STXBP5L: variants seen among roughly 807,000 people sequenced by gnomAD.
The protein encoded by STXBP5L is syntaxin-binding protein 5-like.
In STXBP5L, 65 loss-of-function variants were observed where a neutral mutation model predicts 144.5. The observed-to-expected ratio is 0.45, with a 90% CI of 0.37 to 0.55. STXBP5L has a LOEUF of 0.55. Among genes scored for constraint, STXBP5L ranks in the 20% least tolerant of loss-of-function variants. The pLI is 0.00. For missense variants in STXBP5L, 1,298 were observed against 1,405.5 expected (o/e 0.92, Z 1.22); for synonymous variants, 505 against 469.6 (o/e 1.08, Z -0.97).
chr3:121,086,241 C>A (rs2042485843), intron 5 of STXBP5L, among the ~76,000 whole-genome samples: 1 of 152,014 alleles, frequency 6.6e-6, no homozygotes, highest in Admixed American at 6.6e-5. Flanking sequence ...TTAGCTATAT[C>A]TGACAAATGT....
chr3:121,366,086 A>G (rs1024072622), intron 20 of STXBP5L, among the ~76,000 whole-genome samples: 6 of 151,846 alleles, frequency 4.0e-5, no homozygotes, highest in African/African-American at 1.4e-4. Context: ...TACTTCTGTT[A>G]TTGATTTCTA....
chr3:121,119,130 T>C (rs1422242035), intron 6 of STXBP5L, among the ~76,000 whole-genome samples: 1 of 151,502 alleles, frequency 6.6e-6, no homozygotes, highest in African/African-American at 2.4e-5. Flanking sequence ...TCAGAGCATT[T>C]AAATATGCTC....
intron 20 of STXBP5L, among the ~76,000 whole-genome samples, chr3:121,328,604 G>A (rs1340371005): frequency 6.6e-6 from 1 of 152,106 alleles, no homozygotes; most frequent in Non-Finnish European, 1.5e-5. Context: ...TAAAAACTTA[G>A]CCGGGCATGG....
At chr3:121,086,641 G>A (rs543124613) in intron 5 of STXBP5L, among the ~76,000 whole-genome samples, 9 of 152,030 alleles carry the variant, frequency 5.9e-5, no homozygotes, top group Non-Finnish European at 1.2e-4. Context: ...TCTGAATATT[G>A]GAATGTTGAG....
At chr3:120,920,652 C>T (rs973564316) in intron 2 of STXBP5L, among the ~76,000 whole-genome samples, 1 of 151,478 alleles carries the variant, frequency 6.6e-6, no homozygotes, top group African/African-American at 2.4e-5. Flanking sequence ...TTCATTTTCC[C>T]ACCCTCCTTC....
At chr3:121,299,573 A>C (rs2051803330) in intron 19 of STXBP5L, among the ~76,000 whole-genome samples, 1 of 152,146 alleles carries the variant, frequency 6.6e-6, no homozygotes, top group Admixed American at 6.6e-5. Context: ...GCACAGAGTT[A>C]AAAAATAATA....
At chr3:121,206,547 C>A (rs1001234357) in intron 10 of STXBP5L, among the ~76,000 whole-genome samples, 21 of 152,124 alleles carry the variant, frequency 1.4e-4, no homozygotes, top group Non-Finnish European at 7.4e-5. Context: ...CCCTGCCTCA[C>A]GCCTGTAACC....
rs149666006 is a variant in STXBP5L, at chr3:121,306,560, C to T, written c.2111-11915C>T. On this transcript the variant is annotated intron_variant, in intron 19 of 26. Coordinates refer to ENST00000471454, the MANE Select transcript of STXBP5L (RefSeq NM_001308330.2). ...TTGCCCAGGAAAGAAATGCGGTCTACGTGAATAGAGAGCTTCAAAGCCCTC... is the reference window on the plus strand; with the variant it reads ...TTGCCCAGGAAAGAAATGCGGTCTATGTGAATAGAGAGCTTCAAAGCCCTC... Among the ~76,000 whole-genome samples the T allele has an allele frequency of 4.9e-4, 74 of 152,212 alleles. 1 individual carries two copies. The East Asian group carries it at 7.5e-3, about 15-fold the overall frequency.
At chr3:121,004,952 C>A (rs1944146498) in intron 3 of STXBP5L, among the ~76,000 whole-genome samples, 1 of 152,106 alleles carries the variant, frequency 6.6e-6, no homozygotes, top group Non-Finnish European at 1.5e-5. Flanking sequence ...ATTCGGTTTG[C>A]CAGTATTTTG....
intron 10 of STXBP5L, among the ~76,000 whole-genome samples, chr3:121,218,007 TAA>T (rs1391661494): frequency 6.9e-6 from 1 of 144,708 alleles, no homozygotes; most frequent in Non-Finnish European, 1.5e-5. Context: ...ATATATAGTA[TAA>T]TATATATACT....
chr3:121,198,711 A>G (rs970491560), intron 9 of STXBP5L, among the ~76,000 whole-genome samples: 1 of 152,170 alleles, frequency 6.6e-6, no homozygotes, highest in East Asian at 1.9e-4. Context: ...ATCGCTAGCC[A>G]GTTTTCCCAG....
chr3:121,160,336 G>T (rs1043510740), intron 9 of STXBP5L, among the ~76,000 whole-genome samples: 2 of 151,896 alleles, frequency 1.3e-5, no homozygotes, highest in Non-Finnish European at 2.9e-5. Context: ...TCCACCTTTT[G>T]TATACACAGA....
chr3:121,377,601 G>T (rs994331180), intron 20 of STXBP5L, among the ~76,000 whole-genome samples: 16 of 152,174 alleles, frequency 1.1e-4, no homozygotes, highest in African/African-American at 3.6e-4. Context: ...TTAGAGAAAT[G>T]CAAATCAAAA....
chr3:121,012,362 A>G (rs574146842), intron 3 of STXBP5L, among the ~76,000 whole-genome samples: 29 of 151,924 alleles, frequency 1.9e-4, no homozygotes, highest in African/African-American at 6.7e-4. Context: ...TGGTAACTCT[A>G]TGTTTTACAT....
At chr3:121,388,141 G>A (rs1366107053) in intron 22 of STXBP5L, among the ~76,000 whole-genome samples, 1 of 151,286 alleles carries the variant, frequency 6.6e-6, no homozygotes, top group East Asian at 1.9e-4. Context: ...TGGATTCCTA[G>A]GTATTCTCTT....
intron 6 of STXBP5L, among the ~76,000 whole-genome samples, chr3:121,119,392 T>TA (rs1404632730): frequency 6.6e-6 from 1 of 151,300 alleles, no homozygotes; most frequent in Non-Finnish European, 1.5e-5. Context: ...TATATGGGAA[T>TA]ACATGGCAGT....
chr3:121,056,377 A>T (rs1576804629), intron 5 of STXBP5L, among the ~76,000 whole-genome samples: 1 of 152,098 alleles, frequency 6.6e-6, no homozygotes, highest in East Asian at 1.9e-4. Flanking sequence ...AATTATCTGT[A>T]CTTATTATGT....
chr3:121,015,771 G>A (rs1451716645), intron 3 of STXBP5L, among the ~76,000 whole-genome samples: 2 of 152,288 alleles, frequency 1.3e-5, no homozygotes, highest in African/African-American at 2.4e-5. Flanking sequence ...CTTATCCAAG[G>A]TAGGGGAAGG....
intron 3 of STXBP5L, among the ~76,000 whole-genome samples, chr3:121,020,314 A>T (rs554296311): frequency 6.6e-6 from 1 of 152,366 alleles, no homozygotes; most frequent in South Asian, 2.1e-4. Context: ...GAAGAGGAGA[A>T]ATCTAAAAGT....
Sources: gnomAD v4.1 joint callset for allele counts (sites outside exome capture counted in the v4.1 genomes callset) on GRCh38, gnomAD v4.1.1 for gene constraint, MANE v1.5 for transcripts, NCBI Gene and HGNC (gene_info 2026-07-23, HGNC 2026-07-21) for gene names.